The following FAM20A variants were observed in gnomAD, a reference collection of about 807,000 sequenced individuals.
FAM20A encodes the protein pseudokinase FAM20A.
Under a neutral mutation model 52.0 loss-of-function variants are expected in FAM20A, and 42 were observed. The ratio of observed to expected loss-of-function variants is 0.81; its 90% CI spans 0.63 to 1.04. The LOEUF (loss-of-function observed/expected upper bound fraction) is 1.04, where lower values mean the gene tolerates loss of function less well. Ranked by LOEUF, FAM20A falls within the 50% of genes least tolerant of loss-of-function variation. The pLI is 0.00. For missense variants in FAM20A, 742 were observed against 712.7 expected, an observed-to-expected ratio of 1.04 and a Z score of -0.47; for synonymous variants, 304 against 298.9, an observed-to-expected ratio of 1.02 and a Z score of -0.18.
chr17:68,553,096 A>G (rs1000279542), intron 3 of FAM20A, among the ~76,000 whole-genome samples: 2 of 152,014 alleles, frequency 1.3e-5, no homozygotes, highest in Non-Finnish European at 2.9e-5. Context: ...TGAGGGAGGG[A>G]TGCTGTGAGA....
At chr17:68,567,795 G>A (rs1389902599) in intron 1 of FAM20A, among the ~76,000 whole-genome samples, 1 of 151,990 alleles carries the variant, frequency 6.6e-6, no homozygotes, top group African/African-American at 2.4e-5. Context: ...GATCACGGGG[G>A]TGGTTTCCCA....
intron 4 of FAM20A, among the ~76,000 whole-genome samples, chr17:68,546,568 C>T (rs554504956): frequency 1.7e-4 from 26 of 152,096 alleles, no homozygotes; most frequent in East Asian, 5.8e-4. Flanking sequence ...TGGTGGCTCG[C>T]GCCTATAATC....
At chr17:68,597,611 C>T (rs1459939521) in intron 1 of FAM20A, among the ~76,000 whole-genome samples, 2 of 152,176 alleles carry the variant, frequency 1.3e-5, no homozygotes, top group Admixed American at 1.3e-4. Context: ...TCTTGAACGC[C>T]TGACCTCAGG....
intron 8 of FAM20A, chr17:68,540,543 C>T (rs1423388229): frequency 5.9e-6 from 3 of 508,908 alleles, no homozygotes; most frequent in Non-Finnish European, 1.1e-5. Context: ...TCTTCCCTTC[C>T]TACCTGGTTT....
At chr17:68,541,906 C>G in intron 7 of FAM20A, 79 bp downstream of exon 7, 1 of 1,507,750 alleles carries the variant, frequency 6.6e-7, no homozygotes, top group African/African-American at 1.4e-5. Context: ...ATTCAAAAGC[C>G]AAGCTAGCAA....
intron 1 of FAM20A, among the ~76,000 whole-genome samples, chr17:68,581,403 T>TTTCTTTCTTTCTTTCTTTC (rs1491461223): frequency 6.8e-6 from 1 of 147,680 alleles, no homozygotes; most frequent in Admixed American, 6.8e-5. Flanking sequence ...TCTTTCTTTC[T>TTTCTTTCTTTCTTTCTTTC]TTCTTTCTTT....
chr17:68,556,177 G>T lies in FAM20A; in HGVS notation c.405-434C>A, dbSNP rs1032264345. On this transcript the variant is annotated intron_variant, in intron 1 of 10. Transcript: ENST00000592554. ...TTATGTTCCAAAGAATCAGAAGATA[G>T]AGGAGTGAAGGCAATTGGTGAGAAT... Among the ~76,000 whole-genome samples, 7 of 152,176 alleles carry T rather than the reference G, an allele frequency of 4.6e-5. No homozygotes were observed. The East Asian group carries it at 1.2e-3, about 25-fold the overall frequency.
chr17:68,575,641 T>C (rs1479800692), intron 1 of FAM20A, among the ~76,000 whole-genome samples: 4 of 113,024 alleles, frequency 3.5e-5, no homozygotes, highest in East Asian at 2.2e-4. Context: ...TAATATAGAA[T>C]ATTATATTTT....
At chr17:68,544,308 G>C (rs1600535140) in intron 4 of FAM20A, among the ~76,000 whole-genome samples, 1 of 152,104 alleles carries the variant, frequency 6.6e-6, no homozygotes, top group South Asian at 2.1e-4. Context: ...AGAGGATATT[G>C]ATTTATATAC....
At chr17:68,568,529 G>A (rs1473820363) in intron 1 of FAM20A, among the ~76,000 whole-genome samples, 2 of 151,632 alleles carry the variant, frequency 1.3e-5, no homozygotes, top group African/African-American at 4.9e-5. Flanking sequence ...AACTTACTGT[G>A]TCATACTTCA....
intron 1 of FAM20A, among the ~76,000 whole-genome samples, chr17:68,593,870 A>G (rs1195504949): frequency 6.6e-6 from 1 of 152,240 alleles, no homozygotes; most frequent in Non-Finnish European, 1.5e-5. Flanking sequence ...TATGGTACAT[A>G]TGGAGAGGAT....
intron 1 of FAM20A, among the ~76,000 whole-genome samples, chr17:68,571,979 T>TATACATAC (rs1188288741): frequency 3.3e-5 from 2 of 60,700 alleles, no homozygotes; most frequent in African/African-American, 6.7e-5. Flanking sequence ...TGTGTGTGTA[T>TATACATAC]ATACATACAT....
At chr17:68,579,637 C>A (rs930718187) in intron 1 of FAM20A, among the ~76,000 whole-genome samples, 11 of 152,112 alleles carry the variant, frequency 7.2e-5, no homozygotes. Flanking sequence ...CTTTTCAAAA[C>A]AAGAGCTTAT....
intron 1 of FAM20A, among the ~76,000 whole-genome samples, chr17:68,581,649 C>T (rs1256171602): frequency 7.5e-5 from 11 of 146,904 alleles, no homozygotes. Context: ...GATCTCTGCT[C>T]ACTGCAGCCT....
intron 1 of FAM20A, among the ~76,000 whole-genome samples, chr17:68,595,137 C>A (rs1312091702): frequency 6.6e-6 from 1 of 152,198 alleles, no homozygotes; most frequent in Non-Finnish European, 1.5e-5. Context: ...CATTTGCATG[C>A]AAAAAATTAG....
chr17:68,558,334 A>G lies in FAM20A; in HGVS notation c.405-2591T>C, dbSNP rs8069988. ...CTAGCAGAAAATGAGTCATACCATC[A>G]GATATGGTTTGGATGTTTGTCCCCT... On this transcript the variant is annotated intron_variant, in intron 1 of 10. Coordinates refer to ENST00000592554, the MANE Select transcript of FAM20A (RefSeq NM_017565.4). 1,612 of 443,700 alleles carry G rather than the reference A, an allele frequency of 3.6e-3. 22 individuals carry two copies. Among genetic ancestry groups the G allele is most frequent in the African/African-American group, 0.026 (1,268 of 49,616 alleles). 27.5% of individuals were successfully genotyped at this position (443,700 alleles called of 1,614,324 possible).
chr17:68,599,902 C>T (rs897985468), intron 1 of FAM20A, among the ~76,000 whole-genome samples: 1 of 152,200 alleles, frequency 6.6e-6, no homozygotes, highest in African/African-American at 2.4e-5. Context: ...AGCTTTCCTC[C>T]ACATCAGGAC....
chr17:68,550,382 TTTTTTTTTTTTTTTA>T (rs1871116673), intron 4 of FAM20A, among the ~76,000 whole-genome samples: 1 of 135,842 alleles, frequency 7.4e-6, no homozygotes, highest in African/African-American at 3.0e-5. Flanking sequence ...TTTTTTTTTT[TTTTTTTTTTTTTTTA>T]AGATAGAGAG....
chr17:68,564,257 G>A (rs2087309080), intron 1 of FAM20A, among the ~76,000 whole-genome samples: 2 of 152,224 alleles, frequency 1.3e-5, no homozygotes, highest in African/African-American at 4.8e-5. Context: ...TTTAGCTGTT[G>A]TGGGAAATGG....
Sources: gnomAD v4.1 joint callset for allele counts (sites outside exome capture counted in the v4.1 genomes callset) on GRCh38, gnomAD v4.1.1 for gene constraint, MANE v1.5 for transcripts, NCBI Gene and HGNC (gene_info 2026-07-23, HGNC 2026-07-21) for gene names.